The following LARGE1 variants were observed in gnomAD, a reference collection of about 807,000 sequenced individuals.
The protein encoded by LARGE1 is xylosyl- and glucuronyltransferase LARGE1.
In LARGE1, 43 loss-of-function variants were observed where a neutral mutation model predicts 87.6. That is an observed-to-expected ratio of 0.49 (90% CI 0.38 to 0.63). The LOEUF (loss-of-function observed/expected upper bound fraction) is 0.63. LARGE1 is among the 30% of genes least tolerant of loss of function. The pLI is 0.00. For synonymous variants in LARGE1, 434 were observed against 394.6 expected, an observed-to-expected ratio of 1.10 and a Z score of -1.18; for missense variants, 802 against 1,000.2, an observed-to-expected ratio of 0.80 and a Z score of 2.67.
At chr22:33,824,428 G>A (rs1024099419) in intron 1 of LARGE1, among the ~76,000 whole-genome samples, 1 of 152,190 alleles carries the variant, frequency 6.6e-6, no homozygotes, top group African/African-American at 2.4e-5. Context: ...ATCAGATCTT[G>A]TGAGAACTCA....
intron 6 of LARGE1, among the ~76,000 whole-genome samples, chr22:33,460,176 C>G (rs2068316332): frequency 6.6e-6 from 1 of 152,192 alleles, no homozygotes; most frequent in Admixed American, 6.5e-5. Flanking sequence ...CTCTATAAAG[C>G]CTTCCTCGGT....
At chr22:33,360,744 T>C (rs1022319576) in intron 9 of LARGE1, among the ~76,000 whole-genome samples, 4 of 149,500 alleles carry the variant, frequency 2.7e-5, no homozygotes, top group South Asian at 2.2e-4. Context: ...GAAAATGCTA[T>C]ATAAACTGCG....
intron 7 of LARGE1, among the ~76,000 whole-genome samples, chr22:33,429,602 C>A (rs532075830): frequency 6.6e-6 from 1 of 152,110 alleles, no homozygotes; most frequent in African/African-American, 2.4e-5. Context: ...CGCAGGAAAC[C>A]GTGATCTTGA....
chr22:33,733,668 A>G (rs1042037567), intron 2 of LARGE1: 3 of 152,216 alleles, frequency 2.0e-5, no homozygotes, highest in African/African-American at 7.2e-5. Flanking sequence ...ATCCAGCCAC[A>G]TCTTTCCTAA....
intron 6 of LARGE1, among the ~76,000 whole-genome samples, chr22:33,455,483 G>A (rs1047300682): frequency 1.3e-5 from 2 of 151,972 alleles, no homozygotes; most frequent in Non-Finnish European, 2.9e-5. Context: ...TAAAAAAATT[G>A]CTATTGTGCC....
chr22:33,813,046 T>C (rs551096507), intron 1 of LARGE1, among the ~76,000 whole-genome samples: 1 of 152,192 alleles, frequency 6.6e-6, no homozygotes, highest in African/African-American at 2.4e-5. Context: ...ATGAAGTACA[T>C]CTACTGCATT....
chr22:33,832,001 T>A (rs2062986453), intron 1 of LARGE1, among the ~76,000 whole-genome samples: 2 of 152,332 alleles, frequency 1.3e-5, no homozygotes, highest in Middle Eastern at 3.4e-3. Context: ...CAGTTCCCAC[T>A]GGCTGCAAAG....
intron 11 of LARGE1, among the ~76,000 whole-genome samples, chr22:33,196,219 T>C (rs1046315764): frequency 6.6e-6 from 1 of 150,454 alleles, no homozygotes; most frequent in African/African-American, 2.4e-5. Context: ...CCAAAAATTG[T>C]ATCTTTGAAG....
intron 6 of LARGE1, among the ~76,000 whole-genome samples, chr22:33,521,205 G>T (rs1376216973): frequency 6.6e-6 from 1 of 152,256 alleles, no homozygotes; most frequent in Non-Finnish European, 1.5e-5. Context: ...CACTGTATCA[G>T]TCAGCATTGC....
At chr22:33,639,091 A>C (rs1418624092) in intron 3 of LARGE1, among the ~76,000 whole-genome samples, 3 of 152,226 alleles carry the variant, frequency 2.0e-5, no homozygotes, top group Admixed American at 2.0e-4. Flanking sequence ...CCAGGTCATG[A>C]AAAGTGCTTC....
At chr22:33,244,223 C>T (rs572984310) in intron 11 of LARGE1, among the ~76,000 whole-genome samples, 2 of 152,136 alleles carry the variant, frequency 1.3e-5, no homozygotes, top group South Asian at 4.2e-4. Flanking sequence ...TCTCGATCTC[C>T]TGACCTCGTG....
At chr22:33,379,003 G>A (rs2065071278) in intron 9 of LARGE1, among the ~76,000 whole-genome samples, 1 of 152,084 alleles carries the variant, frequency 6.6e-6, no homozygotes, top group Admixed American at 6.6e-5. Context: ...TGTGGGGTGA[G>A]GGGGTATGGA....
At chr22:33,086,817 C>T in the LARGE1 span, among the ~76,000 whole-genome samples, 1 of 152,196 alleles carries the variant, frequency 6.6e-6, no homozygotes, top group African/African-American at 2.4e-5. Context: ...TCCCAAAGTG[C>T]TGGGATTACA....
At chr22:33,778,504 C>T (rs549093202) in intron 1 of LARGE1, among the ~76,000 whole-genome samples, 1 of 152,280 alleles carries the variant, frequency 6.6e-6, no homozygotes, top group African/African-American at 2.4e-5. Flanking sequence ...CCCTGGCAAC[C>T]AACATCTGCT....
chr22:33,656,795 C>T (rs559743948), intron 2 of LARGE1, among the ~76,000 whole-genome samples: 10 of 152,276 alleles, frequency 6.6e-5, no homozygotes, highest in African/African-American at 2.4e-4. Context: ...CATCCTCCTC[C>T]CTGCAAAACT....
At chr22:33,688,164 T>C (rs1217234355) in intron 2 of LARGE1, among the ~76,000 whole-genome samples, 1 of 152,220 alleles carries the variant, frequency 6.6e-6, no homozygotes, top group Non-Finnish European at 1.5e-5. Flanking sequence ...ACGCTGTCTC[T>C]ATCTCAATGT....
At chr22:33,320,650 A>C (rs555054484) in intron 10 of LARGE1, among the ~76,000 whole-genome samples, 6 of 152,294 alleles carry the variant, frequency 3.9e-5, no homozygotes, top group African/African-American at 1.4e-4. Context: ...TGAAGTTAAG[A>C]CTATCCTTTC....
chr22:33,516,570 T>C (rs531165523), intron 6 of LARGE1, among the ~76,000 whole-genome samples: 1 of 151,940 alleles, frequency 6.6e-6, no homozygotes, highest in African/African-American at 2.4e-5. Flanking sequence ...GGTGGAAGCC[T>C]CCCCAACTTC....
At chr22:33,559,686 C>A (rs550504972) in intron 6 of LARGE1, among the ~76,000 whole-genome samples, 2 of 152,244 alleles carry the variant, frequency 1.3e-5, no homozygotes, top group East Asian at 3.9e-4. Context: ...ACAGCATCTG[C>A]CCACGCTGAC....
Sources: gnomAD v4.1 joint callset for allele counts (sites outside exome capture counted in the v4.1 genomes callset) on GRCh38, gnomAD v4.1.1 for gene constraint, MANE v1.5 for transcripts, NCBI Gene and HGNC (gene_info 2026-07-23, HGNC 2026-07-21) for gene names.